VLDLR: variants seen among roughly 807,000 people sequenced by gnomAD.
The protein encoded by VLDLR is very low density lipoprotein receptor.
A neutral mutation model predicts 112.7 loss-of-function variants in VLDLR; 81 were observed. The ratio of observed to expected loss-of-function variants is 0.72; its 90% CI spans 0.60 to 0.86. VLDLR has a LOEUF of 0.86. Among genes scored for constraint, VLDLR ranks in the 40% least tolerant of loss-of-function variants. The probability of loss-of-function intolerance (pLI) is 0.00; values close to 1 mark genes in which losing one functional copy is unlikely to be tolerated. For synonymous variants in VLDLR, 436 were observed against 384.8 expected (o/e 1.13, Z -1.56); for missense variants, 1,237 against 1,099.4 (o/e 1.13, Z -1.77).
intron 7 of VLDLR, among the ~76,000 whole-genome samples, 194 bp downstream of exon 7, chr9:2,644,153 G>GTTTTTTTTTT (rs59793046): frequency 4.9e-4 from 47 of 96,382 alleles, no homozygotes; most frequent in Non-Finnish European, 6.0e-4. Flanking sequence ...TGTTTTTGTT[G>GTTTTTTTTTT]TTTTTTTTTT....
rs1250417943 is a variant in VLDLR at position 2,659,030 on chromosome 9, A to AAT, written c.*5165_*5166dup. On this transcript the variant is annotated 3_prime_UTR_variant, in exon 19 of 19. Transcript: ENST00000382100. ...GACTACCTCCTAGGACATGGAAACA[A>AAT]ATATTTGGGAGCCTGCATAGTCTTT... is the stretch of plus-strand genomic sequence containing the variant. 3 of 152,264 alleles carry AAT rather than the reference A, an allele frequency of 2.0e-5. No homozygotes were observed. Among genetic ancestry groups the AAT allele is most frequent in the Non-Finnish European group, 2.9e-5 (2 of 68,008 alleles). The allele number at this position is 152,264 out of a possible 1,614,324, so 9.4% of individuals were successfully genotyped here. A position where few individuals can be genotyped will look rare whatever the true frequency, so the allele number is the denominator to read the frequency against.
chr9:2,631,632 T>C (rs1189137257), intron 1 of VLDLR, among the ~76,000 whole-genome samples: 1 of 151,938 alleles, frequency 6.6e-6, no homozygotes, highest in Non-Finnish European at 1.5e-5. Context: ...TGGAGGTAGA[T>C]GGTAGAAAGA....
intron 2 of VLDLR, among the ~76,000 whole-genome samples, chr9:2,636,184 A>C (rs1213898486): frequency 6.6e-6 from 1 of 152,230 alleles, no homozygotes; most frequent in African/African-American, 2.4e-5. Context: ...CTATGTATGC[A>C]ATCTATACAA....
In VLDLR at chr9:2,645,086, A is replaced by AAT; in HGVS notation, c.1312+5_1312+6dup. 6.2e-7 allele frequency: 1 copy of AAT among 1,614,136 alleles called. No homozygotes were observed. The highest frequency in any genetic ancestry group is 1.3e-5 in the African/African-American group (1 of 75,046). On this transcript the variant is annotated splice_donor_region_variant and intron_variant, in intron 9 of 18. Transcript: ENST00000382100. ...ACTGGCGTGTGCAAGGCAGTAGGTA[A>AAT]ATGAACTTGGACTGGTATGGCTGTT...
chr9:2,643,008 C>G, intron 4 of VLDLR, 152 bp from the exon 5 acceptor site: 1 of 1,166,140 alleles, frequency 8.6e-7, no homozygotes, highest in Non-Finnish European at 1.2e-6. Context: ...TGAGACTGTA[C>G]AAAAGTTCTT....
At chr9:2,624,979 C>G (rs186396086) in intron 1 of VLDLR, among the ~76,000 whole-genome samples, 99 of 152,194 alleles carry the variant, frequency 6.5e-4, no homozygotes, top group African/African-American at 1.2e-3. Context: ...TGGCCTGAGT[C>G]CCCAGATACT....
At chr9:2,623,710 A>C (rs1249965192) in intron 1 of VLDLR, among the ~76,000 whole-genome samples, 1 of 152,158 alleles carries the variant, frequency 6.6e-6, no homozygotes. Flanking sequence ...CAGCATGGGC[A>C]GTGTTATTTT....
chr9:2,651,454 C>G lies in VLDLR; in HGVS notation c.2291C>G (p.Thr764Arg), dbSNP rs56737058. 6.2e-6 allele frequency: 10 copies of G among 1,613,902 alleles called. No individual in the cohort carries two copies. Among genetic ancestry groups the G allele is most frequent in the South Asian group, 2.2e-5 (2 of 91,064 alleles). ...TTVTYSETKD[T>R]NTTEISATSG... is the part of the protein sequence containing the mutation. ...GTGACTTACAGTGAGACAAAAGATA[C>G]GAACACAACAGAAATTTCAGCAACT... Residue 764 changes from threonine (T) to arginine (R), a missense_variant, in exon 16 of 19, where the codon ACG (threonine) becomes AGG (arginine). Thr to Arg is a moderately conservative substitution (Grantham distance 71, BLOSUM62 -1). Coordinates refer to ENST00000382100, the MANE Select transcript of VLDLR (RefSeq NM_003383.5).
At chr9:2,624,368 C>T (rs914140921) in intron 1 of VLDLR, among the ~76,000 whole-genome samples, 5 of 152,206 alleles carry the variant, frequency 3.3e-5, no homozygotes, top group Admixed American at 2.0e-4. Flanking sequence ...GGAGCTTCTA[C>T]ACATACCCCT....
chr9:2,639,554 C>T (rs1246572595), intron 2 of VLDLR, among the ~76,000 whole-genome samples: 2 of 152,198 alleles, frequency 1.3e-5, no homozygotes, highest in African/African-American at 4.8e-5. Context: ...GAAAGTGTTA[C>T]TTAATCTCAA....
chr9:2,636,690 T>G (rs1331084362), intron 2 of VLDLR, among the ~76,000 whole-genome samples: 1 of 152,228 alleles, frequency 6.6e-6, no homozygotes, highest in Non-Finnish European at 1.5e-5. Context: ...TTTATCATCA[T>G]TTGCATTTTA....
chr9:2,658,877 A>G lies in VLDLR; in HGVS notation c.*5009A>G, dbSNP rs1254084162. 1 of 152,122 alleles carries G rather than the reference A, an allele frequency of 6.6e-6. No homozygotes were observed. The highest frequency in any genetic ancestry group is 2.4e-5 in the African/African-American group (1 of 41,408). 9.4% of individuals were successfully genotyped at this position (152,122 alleles called of 1,614,324 possible). Reference sequence around the variant, plus strand: ...TGGTGACCGAAGTGTTCTCCACTACACCTGTCTGAAGAGATCTAAGTCTGA... The same window carrying G: ...TGGTGACCGAAGTGTTCTCCACTACGCCTGTCTGAAGAGATCTAAGTCTGA... On this transcript the variant is annotated 3_prime_UTR_variant, in exon 19 of 19. Transcript: ENST00000382100.
intron 1 of VLDLR, among the ~76,000 whole-genome samples, chr9:2,629,985 G>C (rs1817266619): frequency 6.6e-6 from 1 of 152,102 alleles, no homozygotes; most frequent in Non-Finnish European, 1.5e-5. Context: ...GCAGACACTG[G>C]GTTTCACCAT....
chr9:2,659,346 G>C lies in VLDLR; in HGVS notation c.*5478G>C, dbSNP rs1313252743. On this transcript the variant is annotated 3_prime_UTR_variant, in exon 19 of 19. Coordinates refer to ENST00000382100, the MANE Select transcript of VLDLR (RefSeq NM_003383.5). The stretch of plus-strand genomic sequence containing the variant: ...TTGCTGATGTTAGGATCCTTCAACA[G>C]TTTCTCAGATGCCAGCTATGGCTGG... 1 of 152,268 alleles carries C rather than the reference G, an allele frequency of 6.6e-6. No individual in the cohort carries two copies. Among genetic ancestry groups the C allele is most frequent in the Non-Finnish European group, 1.5e-5 (1 of 68,078 alleles). The allele number at this position is 152,268 out of a possible 1,614,324, so 9.4% of individuals were successfully genotyped here. A position where few individuals can be genotyped will look rare whatever the true frequency, so the allele number is the denominator to read the frequency against.
At chr9:2,643,561 G>A (rs572591147) in intron 5 of VLDLR, 30 bp downstream of exon 5, 12 of 1,614,080 alleles carry the variant, frequency 7.4e-6, no homozygotes, top group East Asian at 2.2e-5. Context: ...GGCATGTTCA[G>A]TTCTCTTCCC....
At chr9:2,649,880 T>C (rs1818244437) in intron 14 of VLDLR, among the ~76,000 whole-genome samples, 1 of 152,192 alleles carries the variant, frequency 6.6e-6, no homozygotes, top group Non-Finnish European at 1.5e-5. Flanking sequence ...TATAGGATTG[T>C]GTAGATTCTC....
chr9:2,648,827 C>G lies in VLDLR; in HGVS notation c.2104+17C>G. The G allele has an allele frequency of 3.7e-6, 6 of 1,614,146 alleles. No individual in the cohort carries two copies. The highest frequency in any genetic ancestry group is 5.1e-6 in the Non-Finnish European group (6 of 1,180,004). On this transcript the variant is annotated intron_variant, in intron 14 of 18. Transcript: ENST00000382100. ...AGCCATCAGGTACCGTGGAGAAGCA[C>G]AGTCCTTAATAACTACTTTAAGGGA...
chr9:2,650,398 G>A lies in VLDLR; in HGVS notation c.2133G>A (p.Glu711=). The change falls in exon 15 of 19, where the codon GAG becomes GAA. Residue 711 remains glutamate, a synonymous_variant. Coordinates refer to ENST00000382100, the MANE Select transcript of VLDLR (RefSeq NM_003383.5). ...SGKNWCEEDM[E]NGGCEYLCLP... is the part of the protein sequence containing the mutation. ...AAAATTGGTGTGAAGAAGACATGGA[G>A]AATGGAGGATGTGAATACCTATGCC... 6.2e-7 allele frequency: 1 copy of A among 1,614,078 alleles called. No homozygotes were observed. The highest frequency in any genetic ancestry group is 8.5e-7 in the Non-Finnish European group (1 of 1,180,006).
Position 2,651,856 on chromosome 9 carries a change from C to G in VLDLR, c.2336-18C>G. ...GAATACAGATCCTTCTAAACTGATT[C>G]CTTTTATTCCTCTGTAGGGATCAAT... On this transcript the variant is annotated intron_variant, in intron 16 of 18. Coordinates refer to ENST00000382100, the MANE Select transcript of VLDLR (RefSeq NM_003383.5). 1.9e-6 allele frequency: 3 copies of G among 1,613,832 alleles called. No individual in the cohort carries two copies. Among genetic ancestry groups the G allele is most frequent in the African/African-American group, 1.3e-5 (1 of 75,024 alleles).
Sources: gnomAD v4.1 joint callset for allele counts (sites outside exome capture counted in the v4.1 genomes callset) on GRCh38, gnomAD v4.1.1 for gene constraint, MANE v1.5 for transcripts, NCBI Gene and HGNC (gene_info 2026-07-23, HGNC 2026-07-21) for gene names.